Variants in HOXA3 observed in about 807,000 individuals in gnomAD.
HOXA3 encodes the protein homeobox protein Hox-A3.
Under a neutral mutation model 30.3 loss-of-function variants are expected in HOXA3, and 8 were observed. The ratio of observed to expected loss-of-function variants is 0.26; its 90% CI spans 0.15 to 0.48. The LOEUF (loss-of-function observed/expected upper bound fraction) is 0.48, where lower values mean the gene tolerates loss of function less well. Ranked by LOEUF, HOXA3 falls within the 20% of genes least tolerant of loss-of-function variation. The pLI is 0.99. For synonymous variants in HOXA3, 323 were observed against 273.1 expected (o/e 1.18, Z -1.80); for missense variants, 653 against 614.4 (o/e 1.06, Z -0.66).
chr7:27,151,624 T>C (rs1271464040), intron 1 of HOXA3: 1 of 456,680 alleles, frequency 2.2e-6, no homozygotes, highest in Admixed American at 2.3e-5. Context: ...GACACCTCTC[T>C]CATCGAAAAA....
chr7:27,130,580 G>A lies in HOXA3; in HGVS notation c.-389-3510C>T, dbSNP rs767129469. The A allele has an allele frequency of 4.0e-6, 6 of 1,504,474 alleles. No individual in the cohort carries two copies. The East Asian group carries it at 1.6e-4, about 40-fold the overall frequency. 93.2% of individuals were successfully genotyped at this position (1,504,474 alleles called of 1,614,324 possible). A position where few individuals can be genotyped will look rare whatever the true frequency, so the allele number is the denominator to read the frequency against. On this transcript the variant is annotated intron_variant, in intron 2 of 5. Transcript: ENST00000612286. ...AGCTGGGGCTGCTGCAGCGGCAGGT[G>A]CTGGGTCGGGGGCGCTGGGGGCTGC... is the stretch of plus-strand genomic sequence containing the variant.
At position 27,108,696 on chromosome 7, in the gene HOXA3, CTCTTGTCG is replaced by C; in HGVS notation, c.543_550del (p.Asp182ProfsTer48). On this transcript the variant is annotated frameshift_variant, in exon 6 of 6. Coordinates refer to ENST00000612286, the MANE Select transcript of HOXA3 (RefSeq NM_153631.3). LOFTEE classifies it high-confidence loss of function. The surrounding 1 kb of genome is among the most constrained non-coding windows in gnomAD (Gnocchi z 5.0). ...CTTGGACGAAGCCTGCCCCGGCGGG[CTCTTGTCG>C]CCAGCGCAGCTTTCGCCTGCGAGGA... 6.2e-7 allele frequency: 1 copy of C among 1,604,732 alleles called. No individual in the cohort carries two copies. Among genetic ancestry groups the C allele is most frequent in the Non-Finnish European group, 8.5e-7 (1 of 1,173,500 alleles).
At chr7:27,133,551 C>T (rs1323305549) in intron 2 of HOXA3, among the ~76,000 whole-genome samples, 3 of 152,174 alleles carry the variant, frequency 2.0e-5, no homozygotes, top group African/African-American at 4.8e-5. Context: ...CTCATTTCCA[C>T]GTGCAGGGAT....
chr7:27,117,628 G>A (rs1472706224), intron 4 of HOXA3, among the ~76,000 whole-genome samples: 1 of 152,126 alleles, frequency 6.6e-6, no homozygotes, highest in African/African-American at 2.4e-5. Flanking sequence ...TAAAATGGCA[G>A]CGCATCTGCA....
intron 2 of HOXA3, among the ~76,000 whole-genome samples, chr7:27,135,881 TGCTATTCCCTCAGAATGGGA>T: frequency 6.6e-6 from 1 of 152,222 alleles, no homozygotes. Context: ...ATTTACCTGC[TGCTATTCCCTCAGAATGGGA>T]GCGATAATTC....
intron 1 of HOXA3, 78 bp downstream of exon 1, chr7:27,152,210 G>A (rs1782996960): frequency 2.3e-6 from 2 of 875,848 alleles, no homozygotes; most frequent in Admixed American, 3.1e-5. Flanking sequence ...AAGCCTCCCT[G>A]GGTGCCCTCT....
chr7:27,145,932 G>A (rs531925898), intron 1 of HOXA3: 5 of 1,608,102 alleles, frequency 3.1e-6, no homozygotes, highest in Non-Finnish European at 3.4e-6. Context: ...GAGCAGAAAC[G>A]GCCGGGCGCC....
At chr7:27,125,805 T>A (rs1031518626) in intron 3 of HOXA3, among the ~76,000 whole-genome samples, 1 of 152,228 alleles carries the variant, frequency 6.6e-6, no homozygotes, top group Non-Finnish European at 1.5e-5. Flanking sequence ...TAAAGAGTCA[T>A]TGATCTGTTT....
intron 2 of HOXA3, chr7:27,133,996 C>G (rs1785641709): frequency 6.6e-6 from 1 of 152,248 alleles, no homozygotes; most frequent in Non-Finnish European, 1.5e-5. Context: ...CAGGTCACTC[C>G]TTCTCAGGAA....
chr7:27,143,630 G>C, intron 1 of HOXA3: 1 of 1,570,654 alleles, frequency 6.4e-7, no homozygotes, highest in Non-Finnish European at 8.6e-7. Context: ...ATGTGTGCTT[G>C]ATTTGTGGCT....
At chr7:27,138,410 A>G (rs1319627144) in intron 2 of HOXA3, among the ~76,000 whole-genome samples, 1 of 152,220 alleles carries the variant, frequency 6.6e-6, no homozygotes, top group African/African-American at 2.4e-5. Context: ...CTATACTTTC[A>G]ATTTTTTCAC....
At chr7:27,130,382 G>C (rs1385847623) in intron 2 of HOXA3, 29 of 1,150,566 alleles carry the variant, frequency 2.5e-5, no homozygotes, top group Non-Finnish European at 3.0e-5. Flanking sequence ...GCCGGGGGCT[G>C]CTCGGGCTGG....
At chr7:27,130,464 G>C in intron 2 of HOXA3, 1 of 1,248,316 alleles carries the variant, frequency 8.0e-7, no homozygotes, top group South Asian at 2.9e-5. Context: ...CATGCGCGGG[G>C]TACAGCGCGG....
At position 27,107,720 on chromosome 7, in the gene HOXA3, T is replaced by C. The variant is rs538913360; in HGVS notation, c.*195A>G. The C allele has an allele frequency of 1.9e-5, 9 of 463,916 alleles. No individual in the cohort carries two copies. The highest frequency in any genetic ancestry group is 1.8e-4 in the African/African-American group (9 of 49,750). 28.7% of individuals were successfully genotyped at this position (463,916 alleles called of 1,614,324 possible). On this transcript the variant is annotated 3_prime_UTR_variant, in exon 6 of 6. Coordinates refer to ENST00000612286, the MANE Select transcript of HOXA3 (RefSeq NM_153631.3). ...GATACAGCCATTCCAGCAACCAAGATTGCTACGTCACATAAACTATAAAAA... is the reference window on the plus strand; with the variant it reads ...GATACAGCCATTCCAGCAACCAAGACTGCTACGTCACATAAACTATAAAAA...
chr7:27,116,967 G>A (rs775834470), intron 4 of HOXA3, among the ~76,000 whole-genome samples: 2 of 152,046 alleles, frequency 1.3e-5, no homozygotes, highest in Non-Finnish European at 2.9e-5. Flanking sequence ...CGTACAGAAA[G>A]AAATAATCTA....
intron 2 of HOXA3, chr7:27,133,932 T>C (rs1785639957): frequency 6.6e-6 from 1 of 152,182 alleles, no homozygotes; most frequent in Non-Finnish European, 1.5e-5. Flanking sequence ...GGCCTTGGAC[T>C]TTGCGCTTCT....
intron 2 of HOXA3, among the ~76,000 whole-genome samples, chr7:27,127,849 A>G (rs1406473157): frequency 6.6e-6 from 1 of 152,174 alleles, no homozygotes; most frequent in African/African-American, 2.4e-5. Context: ...CTTTAGGGGT[A>G]TATTATGCTT....
chr7:27,135,181 CT>C (rs148171754), intron 2 of HOXA3, among the ~76,000 whole-genome samples: 210 of 147,718 alleles, frequency 1.4e-3, no homozygotes, highest in Non-Finnish European at 9.8e-4. Flanking sequence ...TTCTCCTTGG[CT>C]TTTTTTTTTA....
intron 1 of HOXA3, chr7:27,147,759 C>T: frequency 6.3e-7 from 1 of 1,599,674 alleles, no homozygotes; most frequent in Non-Finnish European, 8.5e-7. Context: ...TTTGCGCGCC[C>T]CTCTGCAGGA....
Sources: gnomAD v4.1 joint callset for allele counts (sites outside exome capture counted in the v4.1 genomes callset) on GRCh38, gnomAD v4.1.1 for gene constraint, Gnocchi (gnomAD v3.1) non-coding constraint, MANE v1.5 for transcripts, NCBI Gene and HGNC (gene_info 2026-07-23, HGNC 2026-07-21) for gene names.